Variants in PCDH7 observed in about 807,000 individuals in gnomAD.
PCDH7 encodes the protein protocadherin 7.
PCDH7 carries 17 observed loss-of-function variants against 58.9 expected under a neutral mutation model. That is an observed-to-expected ratio of 0.29 (90% CI 0.20 to 0.43). The LOEUF (loss-of-function observed/expected upper bound fraction) is 0.43. Among genes scored for constraint, PCDH7 ranks in the 20% least tolerant of loss-of-function variants. The pLI is 1.00. For missense variants in PCDH7, 1,274 were observed against 1,441.0 expected, an observed-to-expected ratio of 0.88 and a Z score of 1.88; for synonymous variants, 664 against 616.4, an observed-to-expected ratio of 1.08 and a Z score of -1.14.
chr4:30,801,140 G>A (rs1008542740), intron 1 of PCDH7, among the ~76,000 whole-genome samples: 20 of 152,152 alleles, frequency 1.3e-4, no homozygotes, highest in African/African-American at 4.6e-4. Flanking sequence ...CTATTTGGTA[G>A]GTGGTTAGAT....
intron 1 of PCDH7, among the ~76,000 whole-genome samples, chr4:30,741,069 A>G (rs948802275): frequency 1.3e-5 from 2 of 152,114 alleles, no homozygotes; most frequent in African/African-American, 4.8e-5. Context: ...ATATCTCAAA[A>G]TATGATCTTT....
At chr4:31,031,237 A>T (rs1362233322) in intron 3 of PCDH7, among the ~76,000 whole-genome samples, 3 of 152,218 alleles carry the variant, frequency 2.0e-5, no homozygotes, top group Non-Finnish European at 2.9e-5. Context: ...CCCAAGGGAC[A>T]TTGGCAATGT....
chr4:30,755,697 G>A (rs184861884), intron 1 of PCDH7, among the ~76,000 whole-genome samples: 13 of 152,232 alleles, frequency 8.5e-5, no homozygotes, highest in African/African-American at 3.1e-4. Flanking sequence ...GAAGAAAAGA[G>A]GTGTATTTGG....
intron 3 of PCDH7, among the ~76,000 whole-genome samples, chr4:31,096,444 G>T (rs1172904372): frequency 2.6e-5 from 4 of 152,068 alleles, no homozygotes; most frequent in Non-Finnish European, 5.9e-5. Flanking sequence ...TTTTCACCTT[G>T]TCCCAAAATT....
intron 3 of PCDH7, among the ~76,000 whole-genome samples, chr4:31,071,708 A>G (rs1758555044): frequency 6.6e-6 from 1 of 151,924 alleles, no homozygotes; most frequent in Non-Finnish European, 1.5e-5. Context: ...ATTGTGTTAG[A>G]TCATATTCCC....
intron 3 of PCDH7, among the ~76,000 whole-genome samples, chr4:30,964,340 C>T (rs1748789582): frequency 6.6e-6 from 1 of 151,272 alleles, no homozygotes; most frequent in Non-Finnish European, 1.5e-5. Context: ...CTCTTGGGTT[C>T]ACGACATTAT....
chr4:31,055,210 C>T (rs6852025), intron 3 of PCDH7, among the ~76,000 whole-genome samples: 95,685 of 151,954 alleles, frequency 0.63, 32,472 homozygotes, highest in African/African-American at 0.89. Context: ...TTTATATAAC[C>T]TCCTCCTGCA....
intron 1 of PCDH7, among the ~76,000 whole-genome samples, chr4:30,867,334 T>C (rs1258030328): frequency 6.6e-6 from 1 of 152,114 alleles, no homozygotes; most frequent in African/African-American, 2.4e-5. Context: ...ACAGAAATTG[T>C]TGGAATTTTA....
chr4:30,780,402 G>T (rs1380229831), intron 1 of PCDH7, among the ~76,000 whole-genome samples: 3 of 151,890 alleles, frequency 2.0e-5, no homozygotes, highest in Non-Finnish European at 2.9e-5. Flanking sequence ...AACTACTCAG[G>T]AGACTGAGGC....
chr4:30,841,685 T>A (rs1045656921), intron 1 of PCDH7, among the ~76,000 whole-genome samples: 1 of 152,034 alleles, frequency 6.6e-6, no homozygotes, highest in Non-Finnish European at 1.5e-5. Context: ...TGTGAAAATG[T>A]AAAATAACAC....
At chr4:30,779,838 A>C (rs1394396319) in intron 1 of PCDH7, among the ~76,000 whole-genome samples, 1 of 152,208 alleles carries the variant, frequency 6.6e-6, no homozygotes, top group African/African-American at 2.4e-5. Context: ...TTTTTTAGGC[A>C]CATGATTGCA....
chr4:30,960,146 GA>G (rs1265408056), intron 3 of PCDH7, among the ~76,000 whole-genome samples: 3 of 104,286 alleles, frequency 2.9e-5, no homozygotes, highest in Non-Finnish European at 1.9e-5. Flanking sequence ...AGGAAGGAAG[GA>G]AGGAAGGGAG....
chr4:30,995,184 G>T (rs1025266940), intron 3 of PCDH7, among the ~76,000 whole-genome samples: 2 of 152,046 alleles, frequency 1.3e-5, no homozygotes, highest in Non-Finnish European at 2.9e-5. Flanking sequence ...GGTCGACATT[G>T]GTGCTGACAG....
At chr4:30,970,773 A>G (rs1749516676) in intron 3 of PCDH7, among the ~76,000 whole-genome samples, 1 of 152,242 alleles carries the variant, frequency 6.6e-6, no homozygotes, top group South Asian at 2.1e-4. Context: ...AGGATTTTGT[A>G]TATTTTCTGT....
chr4:30,721,665 T>C lies in PCDH7; in HGVS notation c.243T>C (p.Thr81=). The change falls in exon 1 of 2, where the codon ACT becomes ACC. Residue 81 remains threonine (T), a synonymous_variant. Coordinates refer to ENST00000361762, the Ensembl canonical transcript of PCDH7. This position sits in a 1 kb window ranked among gnomAD's most constrained non-coding sequence, Gnocchi z 6.7. ...AGTACCTGAAGATCGACAACCTCAC[T>C]GGCGAGCTGAGCACGAGCGAGCGGC... is the stretch of plus-strand genomic sequence containing the variant. The C allele has an allele frequency of 1.2e-6, 2 of 1,613,956 alleles. No homozygotes were observed. Among genetic ancestry groups the C allele is most frequent in the East Asian group, 2.2e-5 (1 of 44,870 alleles).
chr4:30,873,955 T>C (rs1735945170), intron 1 of PCDH7, among the ~76,000 whole-genome samples: 1 of 152,138 alleles, frequency 6.6e-6, no homozygotes, highest in African/African-American at 2.4e-5. Flanking sequence ...TACAATGTAA[T>C]GGCTCAGAAA....
At chr4:30,913,019 T>A (rs1358669292) in intron 1 of PCDH7, among the ~76,000 whole-genome samples, 1 of 150,730 alleles carries the variant, frequency 6.6e-6, no homozygotes, top group Non-Finnish European at 1.5e-5. Context: ...ATATTATTAT[T>A]ATATATATAT....
intron 1 of PCDH7, among the ~76,000 whole-genome samples, chr4:30,751,810 T>C (rs1333070767): frequency 6.6e-6 from 1 of 152,188 alleles, no homozygotes; most frequent in Non-Finnish European, 1.5e-5. Flanking sequence ...TATACATTTT[T>C]TCCAGTAATA....
intron 3 of PCDH7, among the ~76,000 whole-genome samples, chr4:30,959,553 G>T (rs1443911206): frequency 6.6e-6 from 1 of 152,080 alleles, no homozygotes; most frequent in East Asian, 1.9e-4. Context: ...ACTATAGTTT[G>T]CACAGAAGTA....
Sources: gnomAD v4.1 joint callset for allele counts (sites outside exome capture counted in the v4.1 genomes callset) on GRCh38, gnomAD v4.1.1 for gene constraint, Gnocchi (gnomAD v3.1) non-coding constraint, MANE v1.5 for transcripts, NCBI Gene and HGNC (gene_info 2026-07-23, HGNC 2026-07-21) for gene names.